RBPJ: variants seen among roughly 807,000 people sequenced by gnomAD.
RBPJ encodes recombining binding protein suppressor of hairless.
A neutral mutation model predicts 67.8 loss-of-function variants in RBPJ; 9 were observed. The ratio of observed to expected loss-of-function variants is 0.13; its 90% CI spans 0.08 to 0.23. The LOEUF (loss-of-function observed/expected upper bound fraction) is 0.23, where lower values mean the gene tolerates loss of function less well. Ranked by LOEUF, RBPJ falls within the 10% of genes least tolerant of loss-of-function variation. RBPJ has a pLI of 1.00. For missense variants in RBPJ, 305 were observed against 595.6 expected, an observed-to-expected ratio of 0.51 and a Z score of 5.08; for synonymous variants, 198 against 203.3, an observed-to-expected ratio of 0.97 and a Z score of 0.22.
intron 1 of RBPJ, among the ~76,000 whole-genome samples, chr4:26,200,317 T>C (rs561740629): frequency 7.2e-5 from 11 of 152,312 alleles, no homozygotes; most frequent in African/African-American, 1.4e-4. Context: ...TATTGAGGTA[T>C]AGAAAGATGA....
intron 1 of RBPJ, among the ~76,000 whole-genome samples, chr4:26,239,746 G>A (rs936083357): frequency 1.2e-4 from 18 of 151,308 alleles, no homozygotes; most frequent in African/African-American, 4.4e-4. Flanking sequence ...GAGGGGAGGG[G>A]AGAGGAGAGG....
chr4:26,301,480 T>C (rs1224697789), intron 1 of RBPJ, among the ~76,000 whole-genome samples: 2 of 151,398 alleles, frequency 1.3e-5, no homozygotes, highest in Non-Finnish European at 2.9e-5. Context: ...TAGTTCCAGC[T>C]ACTCGGGAGG....
intron 1 of RBPJ, among the ~76,000 whole-genome samples, chr4:26,207,599 G>A (rs1405095814): frequency 6.6e-6 from 1 of 152,176 alleles, no homozygotes; most frequent in African/African-American, 2.4e-5. Flanking sequence ...CGTGTGTTGA[G>A]CTCCTATCCT....
At chr4:26,265,610 T>A (rs945987674) in intron 1 of RBPJ, among the ~76,000 whole-genome samples, 7 of 152,178 alleles carry the variant, frequency 4.6e-5, no homozygotes, top group African/African-American at 1.4e-4. Flanking sequence ...TCATTCCCGA[T>A]TATTTGATGA....
chr4:26,304,339 G>A (rs1010393703), intron 1 of RBPJ, among the ~76,000 whole-genome samples: 1 of 152,094 alleles, frequency 6.6e-6, no homozygotes, highest in African/African-American at 2.4e-5. Flanking sequence ...ACGTGTTTTC[G>A]GTTCTCTTAA....
rs547623105 is a variant in RBPJ, at chr4:26,292,925, G to A, written c.-166-69521G>A. Reference sequence around the variant, plus strand: ...TTGTGAATAATGCTCCAATGAACATGGGCATGCAGATATCACTTTGATATA... The same window carrying A: ...TTGTGAATAATGCTCCAATGAACATAGGCATGCAGATATCACTTTGATATA... On this transcript the variant is annotated intron_variant, in intron 1 of 4. Coordinates refer to the RBPJ transcript ENST00000512351. Among the ~76,000 whole-genome samples, 34 of 150,716 alleles carry A rather than the reference G, an allele frequency of 2.3e-4. No homozygotes were observed. In the South Asian group the frequency reaches 7.1e-3, roughly 32 times the overall value.
At chr4:26,395,594 G>A (rs1420454127) in intron 2 of RBPJ, among the ~76,000 whole-genome samples, 1 of 152,038 alleles carries the variant, frequency 6.6e-6, no homozygotes, top group African/African-American at 2.4e-5. Flanking sequence ...TGTGAGTCTG[G>A]CACCTCCCTT....
upstream of RBPJ, among the ~76,000 whole-genome samples, chr4:26,162,426 G>A (rs78289553): frequency 0.021 from 3,164 of 152,342 alleles, 45 homozygotes; most frequent in South Asian, 0.029. Flanking sequence ...GAGAGGTCAC[G>A]TGCTGTGCCC....
the RBPJ span, among the ~76,000 whole-genome samples, chr4:26,133,324 C>G: frequency 6.6e-6 from 1 of 152,142 alleles, no homozygotes; most frequent in African/African-American, 2.4e-5. Context: ...GCCTGGAATC[C>G]CAGCACTTTG....
At chr4:26,262,990 A>G (rs1720589445) in intron 1 of RBPJ, among the ~76,000 whole-genome samples, 1 of 152,026 alleles carries the variant, frequency 6.6e-6, no homozygotes, top group Non-Finnish European at 1.5e-5. Context: ...TATTTCTTGA[A>G]CTGTCTATTT....
upstream of RBPJ, among the ~76,000 whole-genome samples, chr4:26,319,450 G>A (rs1407918603): frequency 6.6e-5 from 5 of 76,000 alleles, no homozygotes; most frequent in African/African-American, 2.0e-4. Context: ...CCCCGCCTCC[G>A]CGGCAAGCCG....
At chr4:26,323,716 A>T (rs1274111810) in intron 1 of RBPJ, among the ~76,000 whole-genome samples, 1 of 152,116 alleles carries the variant, frequency 6.6e-6, no homozygotes, top group Non-Finnish European at 1.5e-5. Context: ...GATTTCTATC[A>T]ATGTTTTTTT....
upstream of RBPJ, chr4:26,319,641 C>T (rs925201251): frequency 1.6e-6 from 1 of 610,424 alleles, no homozygotes; most frequent in Non-Finnish European, 2.9e-6. Flanking sequence ...TTCCCACGGC[C>T]GTGTTGTGTC....
intron 1 of RBPJ, among the ~76,000 whole-genome samples, chr4:26,293,915 A>G (rs966766155): frequency 6.7e-6 from 1 of 150,186 alleles, no homozygotes; most frequent in African/African-American, 2.5e-5. Context: ...GTGCCACCAC[A>G]CTCAGCTAAT....
chr4:26,354,163 C>A (rs944824934), intron 1 of RBPJ, among the ~76,000 whole-genome samples: 1 of 150,484 alleles, frequency 6.6e-6, no homozygotes, highest in Non-Finnish European at 1.5e-5. Context: ...GATCTCCTGA[C>A]CTCGTGATCC....
At chr4:26,332,734 T>C (rs1724390893) in intron 1 of RBPJ, among the ~76,000 whole-genome samples, 1 of 152,314 alleles carries the variant, frequency 6.6e-6, no homozygotes, top group African/African-American at 2.4e-5. Flanking sequence ...CACTGAAGCC[T>C]GAAACTCCTG....
At chr4:26,334,728 A>AC in intron 1 of RBPJ, among the ~76,000 whole-genome samples, 1 of 151,758 alleles carries the variant, frequency 6.6e-6, no homozygotes, top group Non-Finnish European at 1.5e-5. Context: ...CTTTTACCAG[A>AC]CCCCCAAACC....
intron 1 of RBPJ, among the ~76,000 whole-genome samples, chr4:26,178,696 TC>T (rs1716881722): frequency 7.0e-6 from 1 of 142,760 alleles, no homozygotes; most frequent in Non-Finnish European, 1.5e-5. Context: ...GAGAGTGAAA[TC>T]CCGGGAACAA....
chr4:26,410,884 T>A (rs1733943871), intron 3 of RBPJ, among the ~76,000 whole-genome samples: 1 of 152,220 alleles, frequency 6.6e-6, no homozygotes, highest in Non-Finnish European at 1.5e-5. Flanking sequence ...AATGTGTGCA[T>A]ATCGCCACCA....
Sources: allele counts gnomAD v4.1 joint callset (sites outside exome capture counted in the v4.1 genomes callset), GRCh38; gene constraint gnomAD v4.1.1; transcripts MANE v1.5; gene names NCBI Gene and HGNC (gene_info 2026-07-23, HGNC 2026-07-21).